The following SEC31B variants were observed in gnomAD, a reference collection of about 807,000 sequenced individuals.
The protein encoded by SEC31B is protein transport protein Sec31B.
SEC31B carries 113 observed loss-of-function variants against 135.0 expected under a neutral mutation model. That is an observed-to-expected ratio of 0.84 (90% CI 0.72 to 0.98). The LOEUF is 0.98. Among genes scored for constraint, SEC31B ranks in the 50% least tolerant of loss-of-function variants. The pLI is 0.00. For synonymous variants in SEC31B, 508 were observed against 549.4 expected, an observed-to-expected ratio of 0.92 and a Z score of 1.05; for missense variants, 1,296 against 1,421.1, an observed-to-expected ratio of 0.91 and a Z score of 1.42.
In SEC31B at chr10:100,506,175, G is replaced by T. The variant is rs767463496; in HGVS notation, c.909C>A (p.Ser303Arg). ...ACCACTGCACATCAAAGCACCAGCT[G>T]CTCTGTGTTGGTAGCTTATATACCA... The part of the protein sequence containing the change: ...SEVVYKLPTQ[S>R]SWCFDVQWCP... The change falls in exon 9 of 26, where the codon AGC becomes AGA. Residue 303 changes from serine to arginine, a missense_variant. By Grantham distance (110) the Ser-to-Arg change is moderately radical (BLOSUM62 -1). Transcript: ENST00000370345. 9.3e-6 allele frequency: 15 copies of T among 1,614,234 alleles called. 1 individual carries two copies. In the South Asian group the frequency reaches 1.5e-4, roughly 17 times the overall value.
chr10:100,506,395 G>C lies in SEC31B; in HGVS notation c.808C>G (p.Gln270Glu). 1 of 1,614,118 alleles carries C rather than the reference G, an allele frequency of 6.2e-7. No homozygotes were observed. ...SRGILSVSWS[Q>E]ADAELLLTSA... The stretch of plus-strand genomic sequence containing the variant: ...GTGAGCAGCAGCTCAGCATCAGCCT[G>C]GCTCCATGACACTGACAAGATCCCC... Residue 270 changes from glutamine (Q) to glutamate (E), a missense_variant, in exon 8 of 26, where the codon CAG becomes GAG. Transcript: ENST00000370345.
chr10:100,496,754 G>A (rs1851416863), intron 17 of SEC31B, among the ~76,000 whole-genome samples: 3 of 152,152 alleles, frequency 2.0e-5, no homozygotes, highest in Admixed American at 6.5e-5. Flanking sequence ...ATTGTTTCAT[G>A]TGCGACTTTT....
intron 3 of SEC31B, among the ~76,000 whole-genome samples, chr10:100,512,203 T>C (rs1851748756): frequency 1.3e-5 from 2 of 152,186 alleles, no homozygotes; most frequent in African/African-American, 4.8e-5. Context: ...GATCCTCTAC[T>C]TTCTCCATGT....
chr10:100,487,776 G>A lies in SEC31B; in HGVS notation c.3380C>T (p.Ala1127Val), dbSNP rs751197019. The A allele has an allele frequency of 1.2e-6, 2 of 1,614,060 alleles. No homozygotes were observed. Among genetic ancestry groups the A allele is most frequent in the Non-Finnish European group, 1.7e-6 (2 of 1,179,992 alleles). The part of the protein sequence containing the change: ...CEGTLSPHVV[A>V]GLHEVARCVD... Reference sequence around the variant, plus strand: ...ACATCGGGCAACCTCATGGAGCCCAGCCACGACATGAGGTGAGAGCTGTGG... The same window carrying A: ...ACATCGGGCAACCTCATGGAGCCCAACCACGACATGAGGTGAGAGCTGTGG... The change falls in exon 26 of 26, where the codon GCT (alanine) becomes GTT (valine). Residue 1127 changes from alanine (A) to valine (V), a missense_variant. By Grantham distance (64) the Ala-to-Val change is moderately conservative. Transcript: ENST00000370345.
rs1428879784 is a variant in SEC31B, at chr10:100,498,888, C to T, written c.1585-84G>A. Reference sequence around the variant, plus strand: ...TGGCTTAGTAGCCCTGAGAGCTCTACTATTTGGCCGTTAATGGGTAAAACT... The same window carrying T: ...TGGCTTAGTAGCCCTGAGAGCTCTATTATTTGGCCGTTAATGGGTAAAACT... On this transcript the variant is annotated intron_variant, in intron 13 of 25. Coordinates refer to ENST00000370345, the MANE Select transcript of SEC31B (RefSeq NM_015490.4). 8 of 1,087,366 alleles carry T rather than the reference C, an allele frequency of 7.4e-6. No individual in the cohort carries two copies. The Admixed American group carries it at 1.0e-4, about 14-fold the overall frequency. 67.4% of individuals were successfully genotyped at this position (1,087,366 alleles called of 1,614,324 possible). A position where few individuals can be genotyped will look rare whatever the true frequency, so the allele number is the denominator to read the frequency against.
chr10:100,498,178 G>T lies in SEC31B; in HGVS notation c.1714C>A (p.Leu572Met). Reference protein sequence around the residue: ...DIDGLLSQALLLGELGPAVEL... With the variant: ...DIDGLLSQALMLGELGPAVEL... ...ACGGCCGGACCCAGTTCCCCAAGCA[G>T]GAGAGCCTGGCTTAGGAGTCCATCA... The change falls in exon 15 of 26, where the codon CTG (leucine) becomes ATG (methionine). Residue 572 changes from leucine to methionine, a missense_variant. By Grantham distance (15) the Leu-to-Met change is conservative. Coordinates refer to ENST00000370345, the MANE Select transcript of SEC31B (RefSeq NM_015490.4). 6.2e-7 allele frequency: 1 copy of T among 1,614,172 alleles called. No homozygotes were observed. The highest frequency in any genetic ancestry group is 8.5e-7 in the Non-Finnish European group (1 of 1,180,032).
At chr10:100,487,951 A>T (rs1564647043) in intron 25 of SEC31B, 76 bp downstream of exon 25, 19 of 1,549,452 alleles carry the variant, frequency 1.2e-5, no homozygotes, top group Non-Finnish European at 1.7e-5. Context: ...ATGGGAAGAA[A>T]AGACACTGGG....
intron 24 of SEC31B, 100 bp downstream of exon 24, chr10:100,488,758 C>A (rs1479898173): frequency 7.1e-6 from 10 of 1,404,624 alleles, no homozygotes; most frequent in Non-Finnish European, 9.5e-6. Flanking sequence ...TGTCCAGGGG[C>A]AGTGAGAAGA....
chr10:100,505,014 G>A (rs1488835273), intron 10 of SEC31B, among the ~76,000 whole-genome samples: 3 of 151,672 alleles, frequency 2.0e-5, no homozygotes, highest in African/African-American at 7.3e-5. Context: ...AGAATAAAAT[G>A]GTTTTTTTTT....
rs930702252 is a variant in SEC31B at position 100,495,208 on chromosome 10, A to T, written c.2472+177T>A. On this transcript the variant is annotated intron_variant, in intron 19 of 25. Transcript: ENST00000370345. ...CAAGTATCACAATTTTTGCACCTTT[A>T]TGTCCTAAGAGCCTAGTAGTTCAAT... The T allele has an allele frequency of 6.1e-6, 4 of 657,884 alleles. 1 individual carries two copies. The highest frequency in any genetic ancestry group is 5.8e-5 in the East Asian group (2 of 34,712). 40.8% of individuals were successfully genotyped at this position (657,884 alleles called of 1,614,324 possible).
chr10:100,515,071 G>A (rs1851804358), intron 3 of SEC31B, among the ~76,000 whole-genome samples: 1 of 151,400 alleles, frequency 6.6e-6, no homozygotes, highest in Non-Finnish European at 1.5e-5. Context: ...GGGGCTGATC[G>A]CTTGAGCTCA....
In SEC31B at chr10:100,496,290, C is replaced by A; in HGVS notation, c.2278G>T (p.Ala760Ser). The A allele has an allele frequency of 6.2e-7, 1 of 1,614,184 alleles. No individual in the cohort carries two copies. Among genetic ancestry groups the A allele is most frequent in the Non-Finnish European group, 8.5e-7 (1 of 1,180,004 alleles). The stretch of plus-strand genomic sequence containing the variant: ...CAGTCCCTGGGTAGAAAGCTCATGG[C>A]AGTGGCCAGGCTGCCCTGGGCTGCC... ...LLAAQGSLAT[A>S]MSFLPRDCAQ... The change falls in exon 18 of 26, where the codon GCC becomes TCC. Residue 760 changes from alanine (A) to serine (S), a missense_variant. Coordinates refer to ENST00000370345, the MANE Select transcript of SEC31B (RefSeq NM_015490.4).
intron 3 of SEC31B, among the ~76,000 whole-genome samples, chr10:100,512,504 A>G (rs912073124): frequency 1.3e-5 from 2 of 152,194 alleles, no homozygotes; most frequent in African/African-American, 4.8e-5. Context: ...TCTTCAGTCT[A>G]TTTATAGCTT....
intron 10 of SEC31B, among the ~76,000 whole-genome samples, 159 bp downstream of exon 10, chr10:100,505,202 C>T (rs1446749571): frequency 6.6e-6 from 1 of 152,004 alleles, no homozygotes; most frequent in South Asian, 2.1e-4. Flanking sequence ...TAACTCTCTC[C>T]TTGAGAGGTA....
At chr10:100,511,335 A>C (rs1851733358) in intron 3 of SEC31B, among the ~76,000 whole-genome samples, 1 of 152,208 alleles carries the variant, frequency 6.6e-6, no homozygotes, top group Non-Finnish European at 1.5e-5. Context: ...GAGGAAGGAG[A>C]CTTGATGGTT....
intron 5 of SEC31B, chr10:100,508,708 G>A: frequency 2.2e-6 from 1 of 464,942 alleles, no homozygotes; most frequent in South Asian, 2.1e-5. Flanking sequence ...AAGCTCTACT[G>A]TGATAAACAG....
intron 11 of SEC31B, among the ~76,000 whole-genome samples, 195 bp downstream of exon 11, chr10:100,502,059 T>C (rs1851534142): frequency 6.6e-6 from 1 of 152,212 alleles, no homozygotes; most frequent in Non-Finnish European, 1.5e-5. Flanking sequence ...TCTTCCCAAA[T>C]GGCCTTTGAG....
intron 21 of SEC31B, 67 bp downstream of exon 21, chr10:100,489,941 C>T: frequency 6.5e-7 from 1 of 1,531,754 alleles, no homozygotes; most frequent in Admixed American, 2.2e-5. Flanking sequence ...AGGAAAGACT[C>T]CCAAAGTAGT....
At chr10:100,514,163 T>C (rs1325179176) in intron 3 of SEC31B, among the ~76,000 whole-genome samples, 1 of 151,998 alleles carries the variant, frequency 6.6e-6, no homozygotes, top group East Asian at 1.9e-4. Context: ...CCAGCCTGGG[T>C]GACAGAGTGA....
Sources: gnomAD v4.1 joint callset for allele counts (sites outside exome capture counted in the v4.1 genomes callset) on GRCh38, gnomAD v4.1.1 for gene constraint, MANE v1.5 for transcripts, NCBI Gene and HGNC (gene_info 2026-07-23, HGNC 2026-07-21) for gene names.